Variants in SORCS1 observed in about 807,000 individuals in gnomAD.
SORCS1 encodes sortilin related VPS10 domain containing receptor 1.
A neutral mutation model predicts 146.1 loss-of-function variants in SORCS1; 60 were observed. The ratio of observed to expected loss-of-function variants is 0.41; its 90% CI spans 0.33 to 0.51. The LOEUF is 0.51. SORCS1 is among the 20% of genes least tolerant of loss of function. SORCS1 has a pLI of 0.21. For missense variants in SORCS1, 1,352 were observed against 1,487.6 expected (o/e 0.91, Z 1.50); for synonymous variants, 637 against 584.0 (o/e 1.09, Z -1.31).
rs764187395 is a variant in SORCS1 at position 106,652,481 on chromosome 10, G to A, written c.2376C>T (p.Cys792=). The stretch of plus-strand genomic sequence containing the variant: ...GCAGCCCCCGCGGGGCTTTCCCTGG[G>A]CACTTCTGCGGTTTGGCAGTGTACT... ...REQYTAKPQK[C]PGKAPRGLRI... Residue 792 remains cysteine, a synonymous_variant, in exon 18 of 26, where the codon TGC becomes TGT. Coordinates refer to ENST00000263054, the MANE Select transcript of SORCS1 (RefSeq NM_052918.5). The A allele has an allele frequency of 6.2e-7, 1 of 1,614,114 alleles. No homozygotes were observed. Among genetic ancestry groups the A allele is most frequent in the Non-Finnish European group, 8.5e-7 (1 of 1,179,982 alleles).
intron 2 of SORCS1, among the ~76,000 whole-genome samples, chr10:106,951,517 A>G (rs1954682530): frequency 6.6e-6 from 1 of 151,484 alleles, no homozygotes; most frequent in Non-Finnish European, 1.5e-5. Flanking sequence ...GTCTCTGAAA[A>G]AAAAAAAAAA....
chr10:107,054,641 G>C (rs1253835766), intron 1 of SORCS1, among the ~76,000 whole-genome samples: 2 of 152,118 alleles, frequency 1.3e-5, no homozygotes, highest in Non-Finnish European at 2.9e-5. Context: ...GACAGTCTGG[G>C]GCAGGCAGTG....
At chr10:106,583,076 C>A (rs938321182) in intron 24 of SORCS1, among the ~76,000 whole-genome samples, 2 of 152,050 alleles carry the variant, frequency 1.3e-5, no homozygotes, top group Non-Finnish European at 2.9e-5. Context: ...TCCTCATCTG[C>A]AAAATGGAGA....
chr10:106,788,490 AG>A (rs1289309026), intron 3 of SORCS1, among the ~76,000 whole-genome samples: 1 of 152,244 alleles, frequency 6.6e-6, no homozygotes, highest in Non-Finnish European at 1.5e-5. Flanking sequence ...ATGGAGGTAC[AG>A]GTATTGGGTA....
intron 22 of SORCS1, 136 bp from the exon 23 acceptor site, chr10:106,607,433 G>T: frequency 8.3e-7 from 1 of 1,200,232 alleles, no homozygotes; most frequent in Non-Finnish European, 1.1e-6. Flanking sequence ...GGGCATATCA[G>T]GCAGGGAGTA....
intron 3 of SORCS1, among the ~76,000 whole-genome samples, chr10:106,793,980 A>G (rs569347521): frequency 2.0e-4 from 31 of 152,340 alleles, no homozygotes; most frequent in African/African-American, 7.5e-4. Context: ...AACTGCCACA[A>G]AGGAAACCAT....
At chr10:107,078,965 C>G (rs1167492567) in intron 1 of SORCS1, among the ~76,000 whole-genome samples, 1 of 150,510 alleles carries the variant, frequency 6.6e-6, no homozygotes, top group East Asian at 2.0e-4. Context: ...GTGGCTCAGG[C>G]CTGTAATCCC....
chr10:106,734,911 T>A (rs112020854), intron 5 of SORCS1, among the ~76,000 whole-genome samples: 1,695 of 152,220 alleles, frequency 0.011, 22 homozygotes, highest in African/African-American at 0.03. Context: ...GGCTCACACC[T>A]ATAATCCGAG....
At chr10:106,618,073 G>T in intron 21 of SORCS1, 76 bp downstream of exon 21, 1 of 1,582,976 alleles carries the variant, frequency 6.3e-7, no homozygotes, top group East Asian at 2.3e-5. Flanking sequence ...CTGGGGGATG[G>T]TCTCTGGCAT....
intron 1 of SORCS1, among the ~76,000 whole-genome samples, chr10:106,968,079 G>A (rs900902323): frequency 2.0e-5 from 3 of 151,804 alleles, no homozygotes; most frequent in Admixed American, 6.6e-5. Context: ...GCGTGGTGGC[G>A]GGTGCCTGTA....
chr10:106,652,300 A>G, intron 18 of SORCS1, 82 bp downstream of exon 18: 2 of 1,396,582 alleles, frequency 1.4e-6, no homozygotes, highest in Non-Finnish European at 1.9e-6. Flanking sequence ...GAAAGTTGAA[A>G]AAGATATGGA....
intron 3 of SORCS1, among the ~76,000 whole-genome samples, chr10:106,816,653 G>C (rs1244727708): frequency 2.6e-5 from 4 of 152,028 alleles, no homozygotes. Context: ...TGACACAAAA[G>C]GTCATTTAAT....
chr10:106,987,594 G>T (rs1299847485), intron 1 of SORCS1, among the ~76,000 whole-genome samples: 1 of 152,152 alleles, frequency 6.6e-6, no homozygotes, highest in East Asian at 1.9e-4. Context: ...CCTCAGGGGA[G>T]AAACTGTATA....
chr10:106,725,108 C>T (rs1337948545), intron 6 of SORCS1, among the ~76,000 whole-genome samples: 1 of 151,776 alleles, frequency 6.6e-6, no homozygotes, highest in Non-Finnish European at 1.5e-5. Flanking sequence ...CCACTGCACT[C>T]CGGGCTGGGC....
chr10:106,956,923 T>A (rs1438417039), intron 1 of SORCS1, among the ~76,000 whole-genome samples: 2 of 152,164 alleles, frequency 1.3e-5, no homozygotes, highest in African/African-American at 4.8e-5. Flanking sequence ...AGCAGATGCC[T>A]GGGAGAAAGG....
intron 17 of SORCS1, chr10:106,667,184 A>G (rs531954488): frequency 6.5e-6 from 1 of 152,710 alleles, no homozygotes; most frequent in South Asian, 2.1e-4. Context: ...TGGATTTACA[A>G]AGGTCAGAAT....
chr10:107,178,262 G>T, the SORCS1 span, among the ~76,000 whole-genome samples: 11 of 152,016 alleles, frequency 7.2e-5, no homozygotes, highest in African/African-American at 2.7e-4. Flanking sequence ...CTGTATATTT[G>T]TACCCATTAA....
intron 6 of SORCS1, among the ~76,000 whole-genome samples, chr10:106,724,727 C>T (rs987921280): frequency 6.6e-6 from 1 of 152,182 alleles, no homozygotes; most frequent in African/African-American, 2.4e-5. Context: ...TCACAACACA[C>T]TCCATGGGGA....
At chr10:106,663,795 G>A (rs926223560) in intron 17 of SORCS1, among the ~76,000 whole-genome samples, 26 of 152,122 alleles carry the variant, frequency 1.7e-4, no homozygotes, top group Admixed American at 1.6e-3. Context: ...AAGGGTCTTC[G>A]TGTTCCTAAT....
Sources: allele counts gnomAD v4.1 joint callset (sites outside exome capture counted in the v4.1 genomes callset), GRCh38; gene constraint gnomAD v4.1.1; transcripts MANE v1.5; gene names NCBI Gene and HGNC (gene_info 2026-07-23, HGNC 2026-07-21).